FERRY3: variants seen among roughly 807,000 people sequenced by gnomAD.
FERRY3 encodes FERRY endosomal RAB5 effector complex subunit 3.
chr12:4,533,590 C>A, the FERRY3 span, among the ~76,000 whole-genome samples: 2 of 152,260 alleles, frequency 1.3e-5, no homozygotes. Flanking sequence ...TAAATAAAAT[C>A]ATTTGTGATA....
the FERRY3 span, among the ~76,000 whole-genome samples, chr12:4,494,823 T>C: frequency 3.3e-5 from 5 of 152,238 alleles, no homozygotes; most frequent in Admixed American, 1.3e-4. Context: ...CATTTCCATA[T>C]ACATTTTAGA....
the FERRY3 span, among the ~76,000 whole-genome samples, chr12:4,494,950 G>A: frequency 0.035 from 5,376 of 152,166 alleles, 315 homozygotes; most frequent in African/African-American, 0.12. Context: ...CCATGAGTAC[G>A]GGATATATTT....
the FERRY3 span, chr12:4,489,742 A>G: frequency 1.7e-6 from 2 of 1,173,504 alleles, no homozygotes; most frequent in African/African-American, 1.5e-5. Flanking sequence ...ACAGATTCCC[A>G]GCATAGCACA....
chr12:4,513,553 T>C, the FERRY3 span, among the ~76,000 whole-genome samples: 36 of 151,070 alleles, frequency 2.4e-4, no homozygotes, highest in Non-Finnish European at 4.0e-4. Context: ...GAGATATAGA[T>C]CAATGGAACA....
chr12:4,498,283 T>G, the FERRY3 span, among the ~76,000 whole-genome samples: 1 of 152,200 alleles, frequency 6.6e-6, no homozygotes. Context: ...TGCAGGAATG[T>G]TTGGATGAAT....
the FERRY3 span, among the ~76,000 whole-genome samples, chr12:4,500,519 G>A: frequency 6.6e-6 from 1 of 152,036 alleles, no homozygotes; most frequent in East Asian, 1.9e-4. Context: ...CAGAGAGAAG[G>A]TAATGAAAAT....
chr12:4,512,480 A>G, the FERRY3 span, among the ~76,000 whole-genome samples: 4 of 152,382 alleles, frequency 2.6e-5, no homozygotes, highest in South Asian at 8.3e-4. Flanking sequence ...ACATTGATGC[A>G]AAAATCCTCA....
the FERRY3 span, among the ~76,000 whole-genome samples, chr12:4,527,562 A>C: frequency 6.6e-6 from 1 of 152,174 alleles, no homozygotes; most frequent in Non-Finnish European, 1.5e-5. Flanking sequence ...ATTAAAATGA[A>C]ATAAGAAAAT....
chr12:4,494,880 A>G, the FERRY3 span, among the ~76,000 whole-genome samples: 1 of 152,208 alleles, frequency 6.6e-6, no homozygotes, highest in Non-Finnish European at 1.5e-5. Context: ...ATTCCAATTG[A>G]GATTTAAATC....
At chr12:4,534,029 T>C in the FERRY3 span, 4 of 1,010,866 alleles carry the variant, frequency 4.0e-6, no homozygotes, top group Non-Finnish European at 5.5e-6. Flanking sequence ...CAGCAACATA[T>C]ACATTATAGA....
chr12:4,530,223 A>G, the FERRY3 span, among the ~76,000 whole-genome samples: 1 of 151,310 alleles, frequency 6.6e-6, no homozygotes, highest in East Asian at 1.9e-4. Context: ...GTCTAAGCAC[A>G]GAAAAAAAAA....
the FERRY3 span, chr12:4,518,379 C>T: frequency 1.3e-6 from 1 of 798,270 alleles, no homozygotes; most frequent in Non-Finnish European, 2.0e-6. Context: ...TAAAAATGGG[C>T]CTTGCAACTT....
the FERRY3 span, among the ~76,000 whole-genome samples, chr12:4,513,242 G>A: frequency 2.2e-5 from 3 of 135,196 alleles, no homozygotes; most frequent in Non-Finnish European, 3.2e-5. Context: ...AAATAAAAGA[G>A]GATACAAACA....
chr12:4,503,912 G>A, the FERRY3 span, among the ~76,000 whole-genome samples: 3 of 152,112 alleles, frequency 2.0e-5, no homozygotes, highest in African/African-American at 7.2e-5. Flanking sequence ...AATAAGATTG[G>A]CAAATTTTAA....
chr12:4,536,183 G>A, the FERRY3 span: 1 of 1,571,384 alleles, frequency 6.4e-7, no homozygotes, highest in Non-Finnish European at 8.6e-7. Flanking sequence ...ATCTTTCTCT[G>A]TTTTTCTTCA....
At chr12:4,500,681 TCTTA>T in the FERRY3 span, among the ~76,000 whole-genome samples, 1 of 151,814 alleles carries the variant, frequency 6.6e-6, no homozygotes, top group African/African-American at 2.4e-5. Flanking sequence ...TGACATGGAG[TCTTA>T]CTCTGTCACC....
At chr12:4,523,895 G>C in the FERRY3 span, among the ~76,000 whole-genome samples, 1 of 151,968 alleles carries the variant, frequency 6.6e-6, no homozygotes, top group Admixed American at 6.5e-5. Flanking sequence ...CCAACATGGT[G>C]CATGTATACA....
chr12:4,537,473 ATAAT>A, the FERRY3 span, among the ~76,000 whole-genome samples: 1 of 152,214 alleles, frequency 6.6e-6, no homozygotes, highest in Non-Finnish European at 1.5e-5. Context: ...GAACTAATAA[ATAAT>A]TGTTGGATTG....
chr12:4,530,773 CAA>C, the FERRY3 span, among the ~76,000 whole-genome samples: 3 of 151,938 alleles, frequency 2.0e-5, no homozygotes, highest in African/African-American at 7.3e-5. Flanking sequence ...CAGGGAGAAA[CAA>C]AATGGGAATG....
Sources: allele counts gnomAD v4.1 joint callset (sites outside exome capture counted in the v4.1 genomes callset), GRCh38; gene constraint gnomAD v4.1.1; transcripts MANE v1.5; gene names NCBI Gene and HGNC (gene_info 2026-07-23, HGNC 2026-07-21).